The following DYRK1A variants were observed in gnomAD, a reference collection of about 807,000 sequenced individuals.
DYRK1A encodes the protein dual specificity tyrosine phosphorylation regulated kinase 1A, also known as dual specificity tyrosine-phosphorylation-regulated kinase 1A.
Under a neutral mutation model 79.7 loss-of-function variants are expected in DYRK1A, and 9 were observed. The ratio of observed to expected loss-of-function variants is 0.11; its 90% CI spans 0.07 to 0.20. The LOEUF (loss-of-function observed/expected upper bound fraction) is 0.20, where lower values mean the gene tolerates loss of function less well. Among genes scored for constraint, DYRK1A ranks in the 10% least tolerant of loss-of-function variants. DYRK1A has a pLI of 1.00. For missense variants in DYRK1A, 622 were observed against 956.0 expected, an observed-to-expected ratio of 0.65 and a Z score of 4.61; for synonymous variants, 349 against 329.7, an observed-to-expected ratio of 1.06 and a Z score of -0.63.
chr21:37,407,723 T>C (rs1184090359), intron 1 of DYRK1A, among the ~76,000 whole-genome samples: 1 of 152,204 alleles, frequency 6.6e-6, no homozygotes, highest in East Asian at 1.9e-4. Flanking sequence ...GTTTATAATA[T>C]GAAAAAGTAT....
At chr21:37,402,368 T>C (rs1319555296) in intron 1 of DYRK1A, among the ~76,000 whole-genome samples, 1 of 152,222 alleles carries the variant, frequency 6.6e-6, no homozygotes, top group East Asian at 1.9e-4. Context: ...TTTGAAGGTT[T>C]TTTCACTGAA....
chr21:37,506,245 T>A (rs781196967), intron 11 of DYRK1A, 22 bp downstream of exon 11: 2 of 1,613,824 alleles, frequency 1.2e-6, no homozygotes, highest in Non-Finnish European at 1.7e-6. Context: ...CGTGGTTCAT[T>A]TGCTTGTGTC....
At chr21:37,482,415 C>A (rs2052681495) in intron 5 of DYRK1A, among the ~76,000 whole-genome samples, 1 of 152,142 alleles carries the variant, frequency 6.6e-6, no homozygotes, top group African/African-American at 2.4e-5. Flanking sequence ...GCCCCACAAG[C>A]CGCAAAACCA....
rs2053925788 is a variant in DYRK1A at position 37,520,315 on chromosome 21, C to T, written c.*7784C>T. On this transcript the variant is annotated 3_prime_UTR_variant, in exon 12 of 12. Transcript: ENST00000647188. Reference sequence around the variant, plus strand: ...AAGAGATGAGGGTGACAGAAATCAGCTCTTAAGTTTATAAATAAAACAGGG... The same window carrying T: ...AAGAGATGAGGGTGACAGAAATCAGTTCTTAAGTTTATAAATAAAACAGGG... 1 of 152,140 alleles carries T rather than the reference C, an allele frequency of 6.6e-6. No homozygotes were observed. Among genetic ancestry groups the T allele is most frequent in the African/African-American group, 2.4e-5 (1 of 41,404 alleles). The allele number at this position is 152,140 out of a possible 1,614,324, so 9.4% of individuals were successfully genotyped here. A position where few individuals can be genotyped will look rare whatever the true frequency, so the allele number is the denominator to read the frequency against.
chr21:37,437,970 G>A (rs963619568), intron 2 of DYRK1A, among the ~76,000 whole-genome samples: 7 of 152,186 alleles, frequency 4.6e-5, no homozygotes, highest in Non-Finnish European at 7.4e-5. Context: ...TTCACCAGCA[G>A]TTCAGGAGAG....
chr21:37,467,183 G>C (rs1309040460), intron 2 of DYRK1A, among the ~76,000 whole-genome samples: 1 of 151,314 alleles, frequency 6.6e-6, no homozygotes, highest in African/African-American at 2.4e-5. Context: ...TTTCACCAGT[G>C]AATCTACCAC....
chr21:37,372,675 G>A (rs1352322837), intron 1 of DYRK1A, among the ~76,000 whole-genome samples: 3 of 152,122 alleles, frequency 2.0e-5, no homozygotes, highest in African/African-American at 4.8e-5. Flanking sequence ...GTAAAATGAG[G>A]TTGATAGTAA....
intron 11 of DYRK1A, among the ~76,000 whole-genome samples, chr21:37,509,054 G>C (rs2053678962): frequency 6.6e-6 from 1 of 152,182 alleles, no homozygotes; most frequent in Non-Finnish European, 1.5e-5. Context: ...CTTAATTTTT[G>C]AGTGGTTGAT....
chr21:37,470,342 C>A (rs73903994), intron 2 of DYRK1A, among the ~76,000 whole-genome samples: 11,083 of 152,054 alleles, frequency 0.073, 1,341 homozygotes, highest in African/African-American at 0.25. Context: ...TGATTTTTAT[C>A]CTCTTTTCTA....
intron 7 of DYRK1A, among the ~76,000 whole-genome samples, chr21:37,491,301 T>C (rs1352942107): frequency 1.3e-5 from 2 of 152,128 alleles, no homozygotes; most frequent in Admixed American, 6.5e-5. Context: ...GTGATAGGGG[T>C]CTCCTCTTGA....
chr21:37,394,603 C>T (rs976882201), intron 1 of DYRK1A, among the ~76,000 whole-genome samples: 2 of 152,104 alleles, frequency 1.3e-5, no homozygotes, highest in East Asian at 1.9e-4. Flanking sequence ...AGATCAGTGG[C>T]GGCATTTGAT....
At chr21:37,437,950 G>A (rs887110178) in intron 2 of DYRK1A, among the ~76,000 whole-genome samples, 3 of 152,116 alleles carry the variant, frequency 2.0e-5, no homozygotes, top group East Asian at 1.9e-4. Flanking sequence ...TAGTTGTACC[G>A]TTTTACATTT....
intron 9 of DYRK1A, among the ~76,000 whole-genome samples, chr21:37,500,599 A>G (rs1248847533): frequency 3.3e-5 from 5 of 152,234 alleles, no homozygotes; most frequent in African/African-American, 1.2e-4. Flanking sequence ...AGAACCTGCG[A>G]CATTTTTTGT....
rs754909260 is a variant in DYRK1A, at chr21:37,472,841, A to G, written c.168A>G (p.Leu56=). 1 of 1,602,598 alleles carries G rather than the reference A, an allele frequency of 6.2e-7. No homozygotes were observed. The highest frequency in any genetic ancestry group is 8.5e-7 in the Non-Finnish European group (1 of 1,172,194). The change falls in exon 3 of 12, where the codon TTA becomes TTG. Residue 56 remains leucine (L), a synonymous_variant. Transcript: ENST00000647188. ...PNISDQQVSA[L]SYSDQIQQPL... ...TAAGTGACCAACAGGTTTCTGCCTT[A>G]TCATATTCTGACCAGATTCAGCAAC...
intron 2 of DYRK1A, chr21:37,421,990 A>G (rs1382730317): frequency 6.6e-6 from 1 of 152,174 alleles, no homozygotes; most frequent in Non-Finnish European, 1.5e-5. Flanking sequence ...CTCACAAGAC[A>G]TGGAGGGTTT....
At chr21:37,477,160 A>G (rs1286518859) in intron 3 of DYRK1A, among the ~76,000 whole-genome samples, 1 of 152,018 alleles carries the variant, frequency 6.6e-6, no homozygotes, top group Admixed American at 6.6e-5. Context: ...GCGAGGTCTT[A>G]GTATGATGTG....
intron 1 of DYRK1A, among the ~76,000 whole-genome samples, chr21:37,398,177 T>TAC (rs1003757032): frequency 2.0e-5 from 3 of 150,136 alleles, no homozygotes; most frequent in Admixed American, 6.7e-5. Context: ...CACACACACA[T>TAC]ACACACACAC....
chr21:37,484,384 A>C (rs1450100515), intron 5 of DYRK1A, among the ~76,000 whole-genome samples: 1 of 147,466 alleles, frequency 6.8e-6, no homozygotes, highest in Admixed American at 6.8e-5. Flanking sequence ...GCTGGAGTGC[A>C]ATGGTGTGAT....
At chr21:37,486,657 C>G (rs766189378) in intron 6 of DYRK1A, 43 bp downstream of exon 6, 1 of 1,392,884 alleles carries the variant, frequency 7.2e-7, no homozygotes, top group South Asian at 1.8e-5. Context: ...CAACCCACAC[C>G]AAAACTTTGA....
Sources: gnomAD v4.1 joint callset for allele counts (sites outside exome capture counted in the v4.1 genomes callset) on GRCh38, gnomAD v4.1.1 for gene constraint, MANE v1.5 for transcripts, NCBI Gene and HGNC (gene_info 2026-07-23, HGNC 2026-07-21) for gene names.